The following GPRIN3 variants were observed in gnomAD, a reference collection of about 807,000 sequenced individuals.
The protein encoded by GPRIN3 is G protein-regulated inducer of neurite outgrowth 3.
GPRIN3 carries 12 observed loss-of-function variants against 13.7 expected under a neutral mutation model. The ratio of observed to expected loss-of-function variants is 0.87; its 90% confidence interval spans 0.56 to 1.42. The LOEUF (loss-of-function observed/expected upper bound fraction) is 1.42. Ranked by LOEUF, GPRIN3 falls within the 40% of genes most tolerant of loss-of-function variation. GPRIN3 has a pLI of 0.00. For synonymous variants in GPRIN3, 377 were observed against 372.7 expected (o/e 1.01, Z -0.13); for missense variants, 1,009 against 958.7 (o/e 1.05, Z -0.69).
intron 1 of GPRIN3, among the ~76,000 whole-genome samples, chr4:89,297,544 C>T (rs1724772642): frequency 6.6e-6 from 1 of 152,150 alleles, no homozygotes; most frequent in African/African-American, 2.4e-5. Context: ...CCCTACACCA[C>T]CAGTCTCTGC....
Position 89,237,592 on chromosome 4 carries a change from A to G in GPRIN3, c.*10188T>C, listed in dbSNP as rs926758023. On this transcript the variant is annotated 3_prime_UTR_variant, in exon 2 of 2. Coordinates refer to ENST00000609438, the MANE Select transcript of GPRIN3 (RefSeq NM_198281.3). ...GTGAGCCGGCAAGTAGGCCCTCACC[A>G]GACACCAAATTGGCCTTGATTTTGG... 7 of 152,216 alleles carry G rather than the reference A, an allele frequency of 4.6e-5. 1 individual carries two copies. Among genetic ancestry groups the G allele is most frequent in the Admixed American group, 2.6e-4 (4 of 15,282 alleles). 9.4% of individuals were successfully genotyped at this position (152,216 alleles called of 1,614,324 possible).
intron 1 of GPRIN3, among the ~76,000 whole-genome samples, chr4:89,283,648 C>T (rs1486547086): frequency 1.3e-5 from 2 of 152,110 alleles, no homozygotes; most frequent in African/African-American, 4.8e-5. Flanking sequence ...ACAATGCTGG[C>T]ATATCTAAGA....
rs754474393 is a variant in GPRIN3, at chr4:89,247,931, T to G, written c.2180A>C (p.Gln727Pro). Reference sequence around the variant, plus strand: ...AATGGATCTCCGGGTCTGGCTATTTTGAGTTTTGATTAATTTCTCATGTTC... The same window carrying G: ...AATGGATCTCCGGGTCTGGCTATTTGGAGTTTTGATTAATTTCTCATGTTC... Reference protein sequence around the residue: ...IREHEKLIKTQNSQTRRSISS... With the variant: ...IREHEKLIKTPNSQTRRSISS... Residue 727 changes from glutamine (Q) to proline (P), a missense_variant, in exon 2 of 2, where the codon CAA becomes CCA. Transcript: ENST00000609438. 37 of 1,614,060 alleles carry G rather than the reference T, an allele frequency of 2.3e-5. No homozygotes were observed. The highest frequency in any genetic ancestry group is 5.0e-5 in the Admixed American group (3 of 60,002).
intron 1 of GPRIN3, among the ~76,000 whole-genome samples, chr4:89,276,181 CAG>C (rs1724088172): frequency 6.6e-6 from 1 of 152,158 alleles, no homozygotes. Context: ...CATTCTTTAA[CAG>C]ATATTTATTT....
chr4:89,276,581 T>C (rs1380254533), intron 1 of GPRIN3, among the ~76,000 whole-genome samples: 2 of 152,334 alleles, frequency 1.3e-5, no homozygotes, highest in East Asian at 3.9e-4. Context: ...ATGAGACATA[T>C]AGCCTCCCCT....
chr4:89,247,604 A>T lies in GPRIN3; in HGVS notation c.*176T>A. The T allele has an allele frequency of 1.9e-6, 1 of 533,964 alleles. No homozygotes were observed. Among genetic ancestry groups the T allele is most frequent in the Non-Finnish European group, 3.2e-6 (1 of 311,000 alleles). 33.1% of individuals were successfully genotyped at this position (533,964 alleles called of 1,614,324 possible). On this transcript the variant is annotated 3_prime_UTR_variant, in exon 2 of 2. Coordinates refer to ENST00000609438, the MANE Select transcript of GPRIN3 (RefSeq NM_198281.3). ...GTTCCTTCTTTCAAATTGAAATGAC[A>T]TTTTTGTTTATAGAGCTCCAGGTCA...
At position 89,241,440 on chromosome 4, in the gene GPRIN3, C is replaced by T. The variant is rs537469831; in HGVS notation, c.*6340G>A. 1.7e-4 allele frequency: 26 copies of T among 152,274 alleles called. No individual in the cohort carries two copies. Among genetic ancestry groups the T allele is most frequent in the Non-Finnish European group, 2.2e-4 (15 of 68,014 alleles). 9.4% of individuals were successfully genotyped at this position (152,274 alleles called of 1,614,324 possible). A position where few individuals can be genotyped will look rare whatever the true frequency, so the allele number is the denominator to read the frequency against. ...ACTCACAGAATGTATTGACATACCA[C>T]GACCAGCTACAGTATTATGCACGAC... On this transcript the variant is annotated 3_prime_UTR_variant, in exon 2 of 2. Coordinates refer to ENST00000609438, the MANE Select transcript of GPRIN3 (RefSeq NM_198281.3).
intron 1 of GPRIN3, among the ~76,000 whole-genome samples, chr4:89,302,369 G>A (rs1194940418): frequency 6.6e-6 from 1 of 152,142 alleles, no homozygotes; most frequent in African/African-American, 2.4e-5. Context: ...GGACTCATCT[G>A]TAATCATTTA....
At chr4:89,262,959 G>T (rs528916460) in intron 1 of GPRIN3, among the ~76,000 whole-genome samples, 2 of 151,952 alleles carry the variant, frequency 1.3e-5, no homozygotes, top group South Asian at 2.1e-4. Flanking sequence ...AAGTGATTAA[G>T]AAAAAAATGC....
intron 1 of GPRIN3, among the ~76,000 whole-genome samples, chr4:89,262,834 C>T (rs1167867217): frequency 6.6e-6 from 1 of 152,210 alleles, no homozygotes; most frequent in East Asian, 1.9e-4. Context: ...CATCCCCCTA[C>T]TTTCCTATTC....
chr4:89,272,454 G>A (rs1723984485), intron 1 of GPRIN3, among the ~76,000 whole-genome samples: 1 of 152,286 alleles, frequency 6.6e-6, no homozygotes, highest in East Asian at 1.9e-4. Flanking sequence ...GATTATCACT[G>A]CACTTATCAG....
chr4:89,262,620 A>G (rs1207732821), intron 1 of GPRIN3, among the ~76,000 whole-genome samples: 5 of 152,176 alleles, frequency 3.3e-5, no homozygotes, highest in Admixed American at 3.3e-4. Context: ...CATGCAACTA[A>G]GGAAACCATA....
rs146387078 is a variant in GPRIN3 at position 89,247,518 on chromosome 4, G to C, written c.*262C>G. 1 of 394,434 alleles carries C rather than the reference G, an allele frequency of 2.5e-6. No individual in the cohort carries two copies. Among genetic ancestry groups the C allele is most frequent in the Admixed American group, 4.1e-5 (1 of 24,164 alleles). The allele number at this position is 394,434 out of a possible 1,614,324, so 24.4% of individuals were successfully genotyped here. A position where few individuals can be genotyped will look rare whatever the true frequency, so the allele number is the denominator to read the frequency against. ...AACATCATATTTTTAAAAACCCAGT[G>C]AGTATTATTTTCAATTTGTTAAGGT... On this transcript the variant is annotated 3_prime_UTR_variant, in exon 2 of 2. Coordinates refer to ENST00000609438, the MANE Select transcript of GPRIN3 (RefSeq NM_198281.3).
At chr4:89,279,660 A>G (rs1366939202) in intron 1 of GPRIN3, among the ~76,000 whole-genome samples, 1 of 152,142 alleles carries the variant, frequency 6.6e-6, no homozygotes, top group Non-Finnish European at 1.5e-5. Context: ...TTCTCTCCTT[A>G]TCTTTGTTGC....
At chr4:89,256,164 A>G (rs185895148) in intron 1 of GPRIN3, among the ~76,000 whole-genome samples, 3 of 152,318 alleles carry the variant, frequency 2.0e-5, no homozygotes, top group Admixed American at 2.0e-4. Context: ...CTTCCTTATT[A>G]ACTGTAACCA....
intron 1 of GPRIN3, among the ~76,000 whole-genome samples, chr4:89,304,735 A>C (rs1724990120): frequency 6.6e-6 from 1 of 152,162 alleles, no homozygotes; most frequent in South Asian, 2.1e-4. Context: ...AGGACAAATA[A>C]ATACTTAGAA....
At chr4:89,270,815 T>C (rs1360819836) in intron 1 of GPRIN3, among the ~76,000 whole-genome samples, 7 of 151,680 alleles carry the variant, frequency 4.6e-5, no homozygotes, top group Admixed American at 4.6e-4. Flanking sequence ...ATTAGACATA[T>C]TGCTAAGGGC....
At chr4:89,252,248 T>C (rs985435928) in intron 1 of GPRIN3, among the ~76,000 whole-genome samples, 1 of 152,152 alleles carries the variant, frequency 6.6e-6, no homozygotes. Flanking sequence ...GCTAGGATTA[T>C]AGGTAGAAGC....
chr4:89,269,609 AC>A (rs1723873602), intron 1 of GPRIN3, among the ~76,000 whole-genome samples: 1 of 152,206 alleles, frequency 6.6e-6, no homozygotes, highest in South Asian at 2.1e-4. Flanking sequence ...TATCTAACTG[AC>A]ATTTTGCTTG....
Sources: allele counts gnomAD v4.1 joint callset (sites outside exome capture counted in the v4.1 genomes callset), GRCh38; gene constraint gnomAD v4.1.1; transcripts MANE v1.5; gene names NCBI Gene and HGNC (gene_info 2026-07-23, HGNC 2026-07-21).